Variants in GRAMD4 observed in about 807,000 individuals in gnomAD.
The protein encoded by GRAMD4 is GRAM domain containing 4, also known as GRAM domain-containing protein 4.
Under a neutral mutation model 83.9 loss-of-function variants are expected in GRAMD4, and 25 were observed. The ratio of observed to expected loss-of-function variants is 0.30; its 90% CI spans 0.22 to 0.42. GRAMD4 has a LOEUF of 0.42. Ranked by LOEUF, GRAMD4 falls within the 10% of genes least tolerant of loss-of-function variation. GRAMD4 has a pLI of 1.00. For missense variants in GRAMD4, 593 were observed against 788.7 expected, an observed-to-expected ratio of 0.75 and a Z score of 2.97; for synonymous variants, 336 against 320.9, an observed-to-expected ratio of 1.05 and a Z score of -0.50.
intron 3 of GRAMD4, among the ~76,000 whole-genome samples, chr22:46,655,885 G>A (rs907547186): frequency 6.6e-6 from 1 of 152,232 alleles, no homozygotes; most frequent in Admixed American, 6.5e-5. Context: ...TTCAGCTAAC[G>A]CTCTGCCTGG....
In GRAMD4 at chr22:46,620,865, A is replaced by G. The variant is rs894041511; in HGVS notation, c.-50+300A>G. ...GGAGGAGCCTCCCAGGAAGCCCCTCAGAACCTGACAGGACGAGAGGAAGGG... is the reference window on the plus strand; with the variant it reads ...GGAGGAGCCTCCCAGGAAGCCCCTCGGAACCTGACAGGACGAGAGGAAGGG... On this transcript the variant is annotated intron_variant, in intron 1 of 18. Transcript: ENST00000406902. The surrounding 1 kb of genome is among the most constrained non-coding windows in gnomAD (Gnocchi z 4.7). 1.3e-5 allele frequency among the ~76,000 whole-genome samples: 2 copies of G among 152,168 alleles called. No homozygotes were observed. Among genetic ancestry groups the G allele is most frequent in the African/African-American group, 4.8e-5 (2 of 41,444 alleles).
At chr22:46,638,228 C>T (rs1380764469) in intron 3 of GRAMD4, among the ~76,000 whole-genome samples, 2 of 152,208 alleles carry the variant, frequency 1.3e-5, no homozygotes, top group African/African-American at 2.4e-5. Context: ...GGCGTGGGGG[C>T]CTTTCCCCTG....
At chr22:46,595,623 C>T (rs2081254686) in intron 1 of GRAMD4, among the ~76,000 whole-genome samples, 1 of 152,214 alleles carries the variant, frequency 6.6e-6, no homozygotes, top group African/African-American at 2.4e-5. Context: ...CCTCTTCCTG[C>T]CCTGAACCCT....
intron 2 of GRAMD4, among the ~76,000 whole-genome samples, chr22:46,630,392 A>G (rs1295105449): frequency 4.6e-5 from 7 of 152,262 alleles, no homozygotes; most frequent in African/African-American, 1.7e-4. Flanking sequence ...GTGATGAATG[A>G]GGCTGAATGC....
intron 1 of GRAMD4, among the ~76,000 whole-genome samples, chr22:46,591,563 G>A (rs533933156): frequency 3.0e-4 from 46 of 151,064 alleles, no homozygotes; most frequent in African/African-American, 9.7e-4. Flanking sequence ...GGCCGTGCAC[G>A]GTGCCTCACG....
intron 1 of GRAMD4, among the ~76,000 whole-genome samples, chr22:46,592,435 A>G (rs1033232113): frequency 6.7e-6 from 1 of 148,530 alleles, no homozygotes. Context: ...CATAGGGAGG[A>G]GGCCCTGTTT....
chr22:46,653,055 C>T (rs1380090051), intron 3 of GRAMD4, among the ~76,000 whole-genome samples: 1 of 152,198 alleles, frequency 6.6e-6, no homozygotes, highest in Non-Finnish European at 1.5e-5. Flanking sequence ...ATAGGAAGGA[C>T]TCATGGGAGA....
chr22:46,648,767 C>CATGGATGG (rs1220197647), intron 3 of GRAMD4, among the ~76,000 whole-genome samples: 4 of 24,772 alleles, frequency 1.6e-4, no homozygotes, highest in Non-Finnish European at 2.5e-4. Context: ...TGGATGGATG[C>CATGGATGG]ATGGATGGAT....
intron 2 of GRAMD4, among the ~76,000 whole-genome samples, chr22:46,635,078 T>TC (rs1267998388): frequency 1.0e-4 from 12 of 118,732 alleles, no homozygotes; most frequent in Non-Finnish European, 1.7e-4. Flanking sequence ...GCCACTCCTG[T>TC]CTTGGGGAGC....
intron 16 of GRAMD4, 94 bp from the exon 17 acceptor site, chr22:46,675,374 T>C: frequency 1.2e-6 from 1 of 818,224 alleles, no homozygotes; most frequent in South Asian, 1.4e-5. Context: ...TCCATCCCAC[T>C]GGGGGCTGAG....
chr22:46,680,586 C>CCACCCACCCACCCATT, downstream of GRAMD4, among the ~76,000 whole-genome samples: 260 of 23,098 alleles, frequency 0.011, 40 homozygotes, highest in Middle Eastern at 0.017. Flanking sequence ...ATCCATCCAT[C>CCACCCACCCACCCATT]CATCCATCCA....
At chr22:46,616,322 CTG>C (rs1199450922), upstream of GRAMD4, among the ~76,000 whole-genome samples, 1 of 29,646 alleles carries the variant, frequency 3.4e-5, no homozygotes. Context: ...GTAGGTTCCC[CTG>C]TGTGTGTAGG....
intron 1 of GRAMD4, among the ~76,000 whole-genome samples, chr22:46,579,913 G>T (rs6007940): frequency 6.6e-6 from 1 of 152,084 alleles, no homozygotes; most frequent in Admixed American, 6.5e-5. Flanking sequence ...GGGGACTTGG[G>T]TATTTACAGA....
At chr22:46,612,706 A>G (rs1048944769) in intron 1 of GRAMD4, among the ~76,000 whole-genome samples, 1 of 152,232 alleles carries the variant, frequency 6.6e-6, no homozygotes, top group Non-Finnish European at 1.5e-5. Context: ...GCCTGGTGCA[A>G]GGAACCTTAC....
At chr22:46,580,684 G>A (rs189410981) in intron 1 of GRAMD4, among the ~76,000 whole-genome samples, 4 of 152,318 alleles carry the variant, frequency 2.6e-5, no homozygotes, top group African/African-American at 9.6e-5. Context: ...TGTGGGTTTC[G>A]CCGGGCGCGC....
At chr22:46,647,773 G>C (rs1457728859) in intron 3 of GRAMD4, among the ~76,000 whole-genome samples, 1 of 152,248 alleles carries the variant, frequency 6.6e-6, no homozygotes, top group Non-Finnish European at 1.5e-5. Context: ...TGCATGCAGT[G>C]GGTGAGACAT....
At chr22:46,676,898 G>A (rs1448061668) in intron 18 of GRAMD4, among the ~76,000 whole-genome samples, 1 of 152,230 alleles carries the variant, frequency 6.6e-6, no homozygotes, top group Admixed American at 6.5e-5. Flanking sequence ...TTGGGCACAG[G>A]GGTCCCCTGA....
At chr22:46,592,960 C>A (rs943770566) in intron 1 of GRAMD4, among the ~76,000 whole-genome samples, 1 of 151,974 alleles carries the variant, frequency 6.6e-6, no homozygotes, top group Admixed American at 6.6e-5. Context: ...AGATATAAAC[C>A]CCACATTGTG....
At chr22:46,666,389 C>G (rs191643716) in intron 9 of GRAMD4, among the ~76,000 whole-genome samples, 115 of 152,364 alleles carry the variant, frequency 7.5e-4, no homozygotes, top group African/African-American at 2.6e-3. Flanking sequence ...CAAAAGTTTG[C>G]ACTTTTATGC....
Sources: gnomAD v4.1 joint callset for allele counts (sites outside exome capture counted in the v4.1 genomes callset) on GRCh38, gnomAD v4.1.1 for gene constraint, Gnocchi (gnomAD v3.1) non-coding constraint, MANE v1.5 for transcripts, NCBI Gene and HGNC (gene_info 2026-07-23, HGNC 2026-07-21) for gene names.